ZNF469: variants seen among roughly 807,000 people sequenced by gnomAD.
ZNF469 encodes zinc finger protein 469.
In ZNF469, 1 loss-of-function variant was observed where a neutral mutation model predicts 1.0. The observed-to-expected ratio is 1.00, with a 90% CI of 0.35 to 4.73. ZNF469 has a LOEUF of 4.73. ZNF469 is among the 30% of genes most tolerant of loss of function. ZNF469 has a pLI of 0.16. For missense variants in ZNF469, 6,100 were observed against 5,356.3 expected, an observed-to-expected ratio of 1.14 and a Z score of -4.33; for synonymous variants, 2,703 against 2,363.4, an observed-to-expected ratio of 1.14 and a Z score of -4.17.
At chr16:88,220,377 G>A in the ZNF469 span, among the ~76,000 whole-genome samples, 1 of 152,208 alleles carries the variant, frequency 6.6e-6, no homozygotes, top group East Asian at 1.9e-4. Flanking sequence ...GGAGGCCTCA[G>A]ATCTGCTGAG....
chr16:88,375,681 C>T, the ZNF469 span, among the ~76,000 whole-genome samples: 16 of 150,564 alleles, frequency 1.1e-4, no homozygotes, highest in East Asian at 1.9e-3. Context: ...TGCCGGGCGC[C>T]ATCGCAGGCA....
At position 88,428,542 on chromosome 16, in the gene ZNF469, C is replaced by T. The variant is rs1064796784; in HGVS notation, c.1072C>T (p.Pro358Ser). ...CGACCTCAGTGGTGCCCTCTCTTCC[C>T]CTGGAGCTGCTCACTCGGCCCCGAG... ...HSDLSGALSS[P>S]GAAHSAPRPF... Residue 358 changes from proline (P) to serine (S), a missense_variant, in exon 3 of 3, where the codon CCT becomes TCT. Transcript: ENST00000565624. 1.3e-6 allele frequency: 2 copies of T among 1,550,138 alleles called. No individual in the cohort carries two copies. Among genetic ancestry groups the T allele is most frequent in the Admixed American group, 3.9e-5 (2 of 51,000 alleles).
chr16:88,338,486 GC>G, the ZNF469 span, among the ~76,000 whole-genome samples: 1 of 152,134 alleles, frequency 6.6e-6, no homozygotes, highest in African/African-American at 2.4e-5. Context: ...GGGTGTGTTT[GC>G]CCCGCACAAG....
upstream of ZNF469, among the ~76,000 whole-genome samples, chr16:88,381,292 TCA>T (rs1050969875): frequency 2.7e-5 from 3 of 110,718 alleles, no homozygotes; most frequent in Non-Finnish European, 5.7e-5. Context: ...ACACACGCAC[TCA>T]CACACATGCA....
At chr16:88,352,233 C>T in the ZNF469 span, among the ~76,000 whole-genome samples, 1 of 152,172 alleles carries the variant, frequency 6.6e-6, no homozygotes, top group African/African-American at 2.4e-5. Context: ...AACTCACTGC[C>T]ACCAAACTGC....
At chr16:88,376,528 C>T in the ZNF469 span, among the ~76,000 whole-genome samples, 26 of 152,356 alleles carry the variant, frequency 1.7e-4, no homozygotes, top group Admixed American at 5.9e-4. Context: ...CGCCCGTGAA[C>T]GGGCCCATTC....
the ZNF469 span, among the ~76,000 whole-genome samples, chr16:88,235,784 G>A: frequency 3.9e-5 from 6 of 152,240 alleles, no homozygotes; most frequent in East Asian, 7.7e-4. Flanking sequence ...AGCGTGACCC[G>A]TGACACAGCT....
At chr16:88,253,433 T>C in the ZNF469 span, among the ~76,000 whole-genome samples, 3 of 151,660 alleles carry the variant, frequency 2.0e-5, no homozygotes, top group African/African-American at 7.3e-5. Flanking sequence ...GCATTTCTAG[T>C]TCCCTGATGA....
chr16:88,249,295 A>G, the ZNF469 span, among the ~76,000 whole-genome samples: 1 of 150,736 alleles, frequency 6.6e-6, no homozygotes, highest in Non-Finnish European at 1.5e-5. Context: ...GGCCACAATC[A>G]TACCTCACTG....
At position 88,390,079 on chromosome 16, in the gene ZNF469, G is replaced by C. The variant is rs549430624; in HGVS notation, c.-192+6825G>C. ...TTCCGGGGTGGCTGTGTGTCGAGGA[G>C]AAAGAAATAATCAGACTTTCGGGGG... On this transcript the variant is annotated intron_variant, in intron 1 of 2. Transcript: ENST00000565624. Among the ~76,000 whole-genome samples, 31 of 152,338 alleles carry C rather than the reference G, an allele frequency of 2.0e-4. 1 individual carries two copies. The South Asian group carries it at 6.4e-3, about 32-fold the overall frequency.
the ZNF469 span, among the ~76,000 whole-genome samples, chr16:88,174,096 C>T: frequency 2.6e-5 from 4 of 151,992 alleles, no homozygotes; most frequent in African/African-American, 4.8e-5. Context: ...ATGTTGCCTA[C>T]AAGAAATGCA....
chr16:88,383,623 G>T (rs1250477950), intron 1 of ZNF469, among the ~76,000 whole-genome samples: 1 of 150,468 alleles, frequency 6.6e-6, no homozygotes, highest in Non-Finnish European at 1.5e-5. Context: ...GGACCTCCGG[G>T]CGGGGCTGCG....
At chr16:88,145,302 T>A in the ZNF469 span, among the ~76,000 whole-genome samples, 138 of 152,304 alleles carry the variant, frequency 9.1e-4, no homozygotes, top group African/African-American at 3.2e-3. Flanking sequence ...ACACACATAA[T>A]GAATGCATGC....
the ZNF469 span, among the ~76,000 whole-genome samples, chr16:88,112,007 C>T: frequency 6.6e-6 from 1 of 152,120 alleles, no homozygotes; most frequent in East Asian, 1.9e-4. Context: ...CGCGTTGTTC[C>T]AATGACAGGA....
the ZNF469 span, among the ~76,000 whole-genome samples, chr16:88,128,110 G>T: frequency 1.3e-5 from 2 of 152,228 alleles, no homozygotes; most frequent in Non-Finnish European, 2.9e-5. Context: ...GGCCCTGGGA[G>T]AAGGGCAGAG....
At chr16:88,355,882 C>T in the ZNF469 span, among the ~76,000 whole-genome samples, 2 of 152,146 alleles carry the variant, frequency 1.3e-5, no homozygotes, top group African/African-American at 2.4e-5. Flanking sequence ...GACATGCCCT[C>T]GGCGGCCGCC....
chr16:88,327,303 C>T, the ZNF469 span, among the ~76,000 whole-genome samples: 5 of 152,318 alleles, frequency 3.3e-5, no homozygotes, highest in East Asian at 1.9e-4. Context: ...CACGCCAGCC[C>T]CCGCCTCGCC....
chr16:88,383,748 A>T (rs2092531165), intron 1 of ZNF469, among the ~76,000 whole-genome samples: 1 of 151,638 alleles, frequency 6.6e-6, no homozygotes, highest in African/African-American at 2.4e-5. Flanking sequence ...CGGCGCTCCG[A>T]GCGCGGCATA....
the ZNF469 span, among the ~76,000 whole-genome samples, chr16:88,208,803 A>ACACACACACACTCT: frequency 1.6e-3 from 195 of 123,630 alleles, 1 homozygote; most frequent in African/African-American, 5.6e-3. Flanking sequence ...ACACACACAC[A>ACACACACACACTCT]CTCTCTCTCT....
Sources: gnomAD v4.1 joint callset for allele counts (sites outside exome capture counted in the v4.1 genomes callset) on GRCh38, gnomAD v4.1.1 for gene constraint, MANE v1.5 for transcripts, NCBI Gene and HGNC (gene_info 2026-07-23, HGNC 2026-07-21) for gene names.